KCNIP4: variants seen among roughly 807,000 people sequenced by gnomAD.
The protein encoded by KCNIP4 is potassium voltage-gated channel interacting protein 4.
In KCNIP4, 12 loss-of-function variants were observed where a neutral mutation model predicts 34.0. The ratio of observed to expected loss-of-function variants is 0.35; its 90% CI spans 0.23 to 0.57. The LOEUF (loss-of-function observed/expected upper bound fraction) is 0.57, where lower values mean the gene tolerates loss of function less well. KCNIP4 is among the 20% of genes least tolerant of loss of function. The probability of loss-of-function intolerance (pLI) is 0.83; values close to 1 mark genes in which losing one functional copy is unlikely to be tolerated. For missense variants in KCNIP4, 238 were observed against 311.7 expected, an observed-to-expected ratio of 0.76 and a Z score of 1.78; for synonymous variants, 124 against 102.2, an observed-to-expected ratio of 1.21 and a Z score of -1.29.
chr4:21,215,261 CT>C (rs373082960), intron 1 of KCNIP4, among the ~76,000 whole-genome samples: 1 of 150,714 alleles, frequency 6.6e-6, no homozygotes, highest in South Asian at 2.1e-4. Flanking sequence ...CCTTGCTGTC[CT>C]TTTTTTTTCA....
At chr4:21,839,560 C>T (rs1392278950) in intron 1 of KCNIP4, among the ~76,000 whole-genome samples, 1 of 152,056 alleles carries the variant, frequency 6.6e-6, no homozygotes, top group Non-Finnish European at 1.5e-5. Flanking sequence ...TCGAGACCAG[C>T]CTGACTAACA....
intron 3 of KCNIP4, among the ~76,000 whole-genome samples, chr4:20,763,638 G>C (rs1017974344): frequency 6.6e-6 from 1 of 152,186 alleles, no homozygotes; most frequent in Admixed American, 6.5e-5. Context: ...AAAGAGTTTG[G>C]AATATCTATC....
intron 2 of KCNIP4, among the ~76,000 whole-genome samples, chr4:20,871,908 G>A (rs978339212): frequency 1.3e-5 from 2 of 152,096 alleles, no homozygotes; most frequent in Non-Finnish European, 2.9e-5. Context: ...GAAAAGAGTT[G>A]GAAGTGAGTT....
chr4:21,426,865 T>C (rs1377230362), intron 1 of KCNIP4, among the ~76,000 whole-genome samples: 1 of 152,104 alleles, frequency 6.6e-6, no homozygotes, highest in Non-Finnish European at 1.5e-5. Flanking sequence ...AGCTGCTTTT[T>C]AATGAAATAT....
chr4:21,042,681 G>A (rs973590529), intron 1 of KCNIP4, among the ~76,000 whole-genome samples: 3 of 152,068 alleles, frequency 2.0e-5, no homozygotes, highest in Non-Finnish European at 2.9e-5. Context: ...TAGGAGAGAC[G>A]TTTAGGAATG....
intron 1 of KCNIP4, among the ~76,000 whole-genome samples, chr4:21,446,334 T>C (rs1045790603): frequency 6.6e-6 from 1 of 152,072 alleles, no homozygotes; most frequent in African/African-American, 2.4e-5. Context: ...CATATGTTTA[T>C]TGCAGCACTA....
intron 2 of KCNIP4, among the ~76,000 whole-genome samples, chr4:20,858,900 G>T (rs1049065775): frequency 3.3e-5 from 5 of 152,140 alleles, no homozygotes; most frequent in African/African-American, 9.7e-5. Context: ...CTTACTCAAG[G>T]TCATACAGCT....
At chr4:21,213,258 T>A (rs1757350380) in intron 1 of KCNIP4, among the ~76,000 whole-genome samples, 1 of 151,878 alleles carries the variant, frequency 6.6e-6, no homozygotes, top group Admixed American at 6.6e-5. Context: ...CAGCACTATT[T>A]TTCTTTCTTT....
chr4:20,833,318 C>G (rs528251818), intron 3 of KCNIP4, among the ~76,000 whole-genome samples: 6 of 152,174 alleles, frequency 3.9e-5, no homozygotes, highest in Admixed American at 3.9e-4. Flanking sequence ...AACCCCGTCT[C>G]TACTAAAAAT....
At chr4:20,991,702 C>A (rs1303186221) in intron 1 of KCNIP4, among the ~76,000 whole-genome samples, 1 of 152,204 alleles carries the variant, frequency 6.6e-6, no homozygotes, top group African/African-American at 2.4e-5. Context: ...ATCTCATCAG[C>A]TTCATTTTCT....
At chr4:20,849,998 C>A (rs1252474325) in intron 3 of KCNIP4, among the ~76,000 whole-genome samples, 1 of 152,182 alleles carries the variant, frequency 6.6e-6, no homozygotes, top group Non-Finnish European at 1.5e-5. Flanking sequence ...GGCTCTCATT[C>A]CCTTTTGAAG....
chr4:21,859,384 G>A (rs1724933250), intron 1 of KCNIP4, among the ~76,000 whole-genome samples: 1 of 151,750 alleles, frequency 6.6e-6, no homozygotes, highest in South Asian at 2.1e-4. Flanking sequence ...GCTCTCGGGT[G>A]GATCACGAGG....
intron 1 of KCNIP4, among the ~76,000 whole-genome samples, chr4:21,439,161 CAAAA>C (rs76317670): frequency 1.1e-5 from 1 of 93,270 alleles, no homozygotes; most frequent in Non-Finnish European, 2.0e-5. Context: ...TAATCTGTCT[CAAAA>C]AAAAAAAAAA....
At chr4:21,422,222 G>T (rs1442070971) in intron 1 of KCNIP4, among the ~76,000 whole-genome samples, 1 of 148,038 alleles carries the variant, frequency 6.8e-6, no homozygotes, top group Non-Finnish European at 1.5e-5. Context: ...TTGAGACGGA[G>T]TCTCGCTTTG....
At chr4:20,847,226 T>C (rs1720489302) in intron 3 of KCNIP4, among the ~76,000 whole-genome samples, 1 of 152,142 alleles carries the variant, frequency 6.6e-6, no homozygotes, top group Non-Finnish European at 1.5e-5. Context: ...TCCCAGTTTA[T>C]AGACAAAGAC....
chr4:21,880,739 T>A (rs1197930247), intron 1 of KCNIP4, among the ~76,000 whole-genome samples: 1 of 152,174 alleles, frequency 6.6e-6, no homozygotes, highest in Non-Finnish European at 1.5e-5. Context: ...TGGATAGCCA[T>A]CTAGGTTTCC....
chr4:21,384,954 G>A (rs1457212598), intron 1 of KCNIP4, among the ~76,000 whole-genome samples: 1 of 152,146 alleles, frequency 6.6e-6, no homozygotes, highest in East Asian at 1.9e-4. Context: ...GTCATTAAGA[G>A]GGGCGCTTTG....
intron 1 of KCNIP4, among the ~76,000 whole-genome samples, chr4:21,521,426 A>G (rs1735513951): frequency 6.6e-6 from 1 of 152,124 alleles, no homozygotes; most frequent in Non-Finnish European, 1.5e-5. Context: ...ATCAAGTGTC[A>G]GCTCTTGCTC....
intron 1 of KCNIP4, among the ~76,000 whole-genome samples, chr4:20,960,266 T>C (rs908231780): frequency 1.3e-5 from 2 of 152,140 alleles, no homozygotes; most frequent in African/African-American, 4.8e-5. Flanking sequence ...TCAAAAGTAT[T>C]TGTAAGCATG....
Sources: allele counts gnomAD v4.1 joint callset (sites outside exome capture counted in the v4.1 genomes callset), GRCh38; gene constraint gnomAD v4.1.1; transcripts MANE v1.5; gene names NCBI Gene and HGNC (gene_info 2026-07-23, HGNC 2026-07-21).